GALNT13: variants seen among roughly 807,000 people sequenced by gnomAD.
GALNT13 encodes the protein polypeptide N-acetylgalactosaminyltransferase 13.
In GALNT13, 28 loss-of-function variants were observed where a neutral mutation model predicts 64.2. The ratio of observed to expected loss-of-function variants is 0.44; its 90% CI spans 0.32 to 0.60. GALNT13 has a LOEUF of 0.60. GALNT13 is among the 20% of genes least tolerant of loss of function. The pLI is 0.05. For missense variants in GALNT13, 577 were observed against 669.8 expected (o/e 0.86, Z 1.53); for synonymous variants, 214 against 224.6 (o/e 0.95, Z 0.42).
At chr2:153,393,600 G>A in the GALNT13 span, among the ~76,000 whole-genome samples, 2 of 151,970 alleles carry the variant, frequency 1.3e-5, no homozygotes, top group Non-Finnish European at 2.9e-5. Flanking sequence ...TGCTTGGCTA[G>A]GTCGTGGTAC....
chr2:153,255,415 CTT>C, the GALNT13 span, among the ~76,000 whole-genome samples: 4 of 140,424 alleles, frequency 2.8e-5, no homozygotes, highest in South Asian at 2.3e-4. Flanking sequence ...GATCTTGACT[CTT>C]TATCCAATTT....
the GALNT13 span, among the ~76,000 whole-genome samples, chr2:153,176,237 C>T: frequency 6.6e-6 from 1 of 152,116 alleles, no homozygotes; most frequent in Admixed American, 6.5e-5. Flanking sequence ...CCCAACACAG[C>T]TAAATTGTTT....
the GALNT13 span, among the ~76,000 whole-genome samples, chr2:153,158,546 G>T: frequency 6.6e-6 from 1 of 152,028 alleles, no homozygotes; most frequent in African/African-American, 2.4e-5. Context: ...CTTACGAGAG[G>T]ATTCAAGCAG....
intron 4 of GALNT13, among the ~76,000 whole-genome samples, chr2:154,197,714 A>G (rs1247936998): frequency 6.8e-6 from 1 of 146,884 alleles, no homozygotes; most frequent in Non-Finnish European, 1.5e-5. Flanking sequence ...ACATCTATTC[A>G]TTGGACAGCA....
the GALNT13 span, among the ~76,000 whole-genome samples, chr2:153,597,488 A>G: frequency 6.6e-6 from 1 of 152,124 alleles, no homozygotes; most frequent in African/African-American, 2.4e-5. Context: ...TTCACTCAAA[A>G]TGAATTCTAG....
At chr2:154,386,343 G>C (rs1698513087) in intron 9 of GALNT13, among the ~76,000 whole-genome samples, 1 of 152,064 alleles carries the variant, frequency 6.6e-6, no homozygotes, top group African/African-American at 2.4e-5. Context: ...AAGGAAGCAG[G>C]TGGTAAGTAA....
At chr2:154,283,214 A>G (rs2105943757) in intron 8 of GALNT13, among the ~76,000 whole-genome samples, 1 of 151,720 alleles carries the variant, frequency 6.6e-6, no homozygotes, top group South Asian at 2.1e-4. Flanking sequence ...ACTGATAGGG[A>G]TTTTTTTTTA....
chr2:154,425,804 T>G (rs1320669784), intron 11 of GALNT13, among the ~76,000 whole-genome samples: 1 of 152,140 alleles, frequency 6.6e-6, no homozygotes, highest in Non-Finnish European at 1.5e-5. Flanking sequence ...ACAAGACAGA[T>G]TAAACACACA....
the GALNT13 span, among the ~76,000 whole-genome samples, chr2:153,258,208 T>G: frequency 6.6e-6 from 1 of 152,204 alleles, no homozygotes. Flanking sequence ...AGACAAAATA[T>G]AGTAATACTA....
At chr2:154,116,326 C>T (rs1035378101) in intron 3 of GALNT13, among the ~76,000 whole-genome samples, 5 of 152,152 alleles carry the variant, frequency 3.3e-5, no homozygotes, top group Non-Finnish European at 5.9e-5. Flanking sequence ...ACAGTAGAAA[C>T]CTGGTGAGGC....
the GALNT13 span, among the ~76,000 whole-genome samples, chr2:153,205,617 C>A: frequency 3.3e-5 from 5 of 152,038 alleles, no homozygotes; most frequent in Non-Finnish European, 7.4e-5. Context: ...CCCAATCAAT[C>A]CAACTGGTCC....
the GALNT13 span, among the ~76,000 whole-genome samples, chr2:153,472,286 C>T: frequency 2.0e-5 from 3 of 152,012 alleles, no homozygotes; most frequent in Admixed American, 6.5e-5. Context: ...AAACTATAAC[C>T]TTCTCTCTCT....
At chr2:153,648,893 T>C in the GALNT13 span, among the ~76,000 whole-genome samples, 2 of 152,188 alleles carry the variant, frequency 1.3e-5, no homozygotes, top group Middle Eastern at 3.2e-3. Context: ...GATTTTTGCA[T>C]TGATGTTCAT....
intron 4 of GALNT13, among the ~76,000 whole-genome samples, chr2:154,153,738 GT>G (rs1684218465): frequency 6.6e-6 from 1 of 152,242 alleles, no homozygotes; most frequent in African/African-American, 2.4e-5. Flanking sequence ...TCCGAGCCAG[GT>G]GCAGGATATA....
the GALNT13 span, among the ~76,000 whole-genome samples, chr2:153,330,957 G>T: frequency 1.3e-5 from 2 of 152,120 alleles, no homozygotes; most frequent in East Asian, 3.9e-4. Context: ...TTCCTTCAAT[G>T]ACTAGTTTGT....
At chr2:153,285,489 A>G in the GALNT13 span, among the ~76,000 whole-genome samples, 12,612 of 152,238 alleles carry the variant, frequency 0.083, 604 homozygotes, top group South Asian at 0.13. Flanking sequence ...TGTTATCAAA[A>G]CTGCCACCTA....
intron 1 of GALNT13, among the ~76,000 whole-genome samples, chr2:153,875,502 T>C (rs778167237): frequency 6.6e-6 from 1 of 152,196 alleles, no homozygotes; most frequent in East Asian, 1.9e-4. Context: ...TAAACAGTTA[T>C]GTCAGAGTGA....
At chr2:153,589,506 G>A in the GALNT13 span, among the ~76,000 whole-genome samples, 1 of 152,068 alleles carries the variant, frequency 6.6e-6, no homozygotes, top group Non-Finnish European at 1.5e-5. Context: ...TTTCAGCAGT[G>A]CCCCACTCTA....
chr2:154,301,754 G>T (rs549814175), intron 9 of GALNT13, among the ~76,000 whole-genome samples, 165 bp downstream of exon 9: 81 of 151,908 alleles, frequency 5.3e-4, no homozygotes, highest in African/African-American at 2.0e-3. Context: ...AGTAAATTTT[G>T]ATGTAAAATA....
Sources: gnomAD v4.1 joint callset for allele counts (sites outside exome capture counted in the v4.1 genomes callset) on GRCh38, gnomAD v4.1.1 for gene constraint, MANE v1.5 for transcripts, NCBI Gene and HGNC (gene_info 2026-07-23, HGNC 2026-07-21) for gene names.